The following SYTL2 variants were observed in gnomAD, a reference collection of about 807,000 sequenced individuals.
SYTL2 encodes synaptotagmin-like protein 2.
SYTL2 carries 165 observed loss-of-function variants against 198.7 expected under a neutral mutation model. The observed-to-expected ratio is 0.83, with a 90% CI of 0.73 to 0.94. SYTL2 has a LOEUF of 0.94. Among genes scored for constraint, SYTL2 ranks in the 40% least tolerant of loss-of-function variants. SYTL2 has a pLI of 0.00. For missense variants in SYTL2, 2,835 were observed against 2,582.8 expected, an observed-to-expected ratio of 1.10 and a Z score of -2.12; for synonymous variants, 966 against 917.7, an observed-to-expected ratio of 1.05 and a Z score of -0.95.
rs374343788 is a variant in SYTL2, at chr11:85,698,057, C to G, written c.6290G>C (p.Gly2097Ala). The change falls in exon 18 of 20, where the codon GGA (glycine) becomes GCA (alanine). Residue 2097 changes from glycine (G) to alanine (A), a missense_variant. This residue lies in a region of SYTL2 where 185 missense variants were observed against 182.1 expected (regional missense o/e 1.02). Transcript: ENST00000359152. ...TTCCTTCACCCAGATGTGCACTTCT[C>G]CAGTTGTAGGAAGCTTTTTACCTAC... ...PVPGKKLPTTGEVHIWVKECL... is the reference protein window; with the variant it reads ...PVPGKKLPTTAEVHIWVKECL... 1.9e-6 allele frequency: 3 copies of G among 1,613,490 alleles called. No homozygotes were observed. Among genetic ancestry groups the G allele is most frequent in the Non-Finnish European group, 1.7e-6 (2 of 1,179,644 alleles).
Position 85,734,683 on chromosome 11 carries a change from C to G in SYTL2, c.646G>C (p.Glu216Gln). 1 of 1,614,136 alleles carries G rather than the reference C, an allele frequency of 6.2e-7. No individual in the cohort carries two copies. Residue 216 changes from glutamate to glutamine, a missense_variant, in exon 7 of 20, where the codon GAG becomes CAG. Physicochemically the swap from Glu to Gln is conservative, Grantham distance 29. Coordinates refer to ENST00000359152, the MANE Select transcript of SYTL2 (RefSeq NM_206927.4). The part of the protein sequence containing the change: ...TVADTSIQKL[E>Q]KSKQTLPGLS... Reference sequence around the variant, plus strand: ...CCTGGCAAAGTCTGCTTTGATTTCTCTAACTTTTGGATTGAAGTATCTGCG... The same window carrying G: ...CCTGGCAAAGTCTGCTTTGATTTCTGTAACTTTTGGATTGAAGTATCTGCG...
intron 18 of SYTL2, 82 bp from the exon 19 acceptor site, chr11:85,696,470 T>A: frequency 8.7e-7 from 1 of 1,147,254 alleles, no homozygotes; most frequent in East Asian, 2.4e-5. Flanking sequence ...ACACAGCTAT[T>A]AAAGATTGAC....
chr11:85,770,253 C>G (rs1228638619), intron 1 of SYTL2, among the ~76,000 whole-genome samples: 1 of 152,136 alleles, frequency 6.6e-6, no homozygotes, highest in Non-Finnish European at 1.5e-5. Flanking sequence ...GGATGCTTTC[C>G]TCTCCTCATC....
At chr11:85,747,060 A>T (rs2091201543) in intron 3 of SYTL2, among the ~76,000 whole-genome samples, 2 of 152,232 alleles carry the variant, frequency 1.3e-5, no homozygotes, top group Non-Finnish European at 2.9e-5. Context: ...AGTACAGGGT[A>T]GACCTTGACA....
chr11:85,832,209 T>C, the SYTL2 span, among the ~76,000 whole-genome samples: 2 of 152,186 alleles, frequency 1.3e-5, no homozygotes, highest in South Asian at 4.1e-4. Context: ...CCAGGCTCCA[T>C]TATGTCAGTC....
In SYTL2 at chr11:85,725,143, C is replaced by T. The variant is rs2088951535; in HGVS notation, c.4215G>A (p.Gln1405=). The change falls in exon 8 of 20, where the codon CAG becomes CAA. Residue 1405 remains glutamine, a synonymous_variant. Coordinates refer to ENST00000359152, the MANE Select transcript of SYTL2 (RefSeq NM_206927.4). ...EVNPEFPEAV[Q]PVCSPLNPPG... ...GAGGATTTAGGGGGCTACATACTGGCTGTACTGCTTCAGGAAATTCTGGGT... is the reference window on the plus strand; with the variant it reads ...GAGGATTTAGGGGGCTACATACTGGTTGTACTGCTTCAGGAAATTCTGGGT... 1 of 1,614,006 alleles carries T rather than the reference C, an allele frequency of 6.2e-7. No homozygotes were observed. Among genetic ancestry groups the T allele is most frequent in the Admixed American group, 1.7e-5 (1 of 60,020 alleles).
At chr11:85,845,635 G>A in the SYTL2 span, among the ~76,000 whole-genome samples, 1 of 152,078 alleles carries the variant, frequency 6.6e-6, no homozygotes, top group African/African-American at 2.4e-5. Context: ...TAGGCCAGGC[G>A]TGGTGGCTCA....
At chr11:85,714,117 C>G (rs2086766467) in intron 12 of SYTL2, among the ~76,000 whole-genome samples, 11 of 152,228 alleles carry the variant, frequency 7.2e-5, no homozygotes, top group Admixed American at 7.2e-4. Flanking sequence ...GAGGAATAAT[C>G]AGTTCATATA....
At chr11:85,800,116 C>T (rs1668424064) in intron 1 of SYTL2, among the ~76,000 whole-genome samples, 1 of 152,102 alleles carries the variant, frequency 6.6e-6, no homozygotes, top group African/African-American at 2.4e-5. Flanking sequence ...CTAACCATTC[C>T]CACACACAGT....
the SYTL2 span, among the ~76,000 whole-genome samples, chr11:85,830,262 C>A: frequency 2.0e-5 from 3 of 152,092 alleles, no homozygotes; most frequent in African/African-American, 7.2e-5. Flanking sequence ...GGACTGGAGA[C>A]CATGCTTTGA....
chr11:85,728,571 C>A (rs1412436162), intron 7 of SYTL2, among the ~76,000 whole-genome samples: 3 of 152,146 alleles, frequency 2.0e-5, no homozygotes, highest in Non-Finnish European at 4.4e-5. Flanking sequence ...AGTCATGAGC[C>A]ACCACACCCA....
the SYTL2 span, among the ~76,000 whole-genome samples, chr11:85,828,133 A>G: frequency 4.6e-5 from 7 of 152,290 alleles, no homozygotes; most frequent in East Asian, 1.4e-3. Flanking sequence ...CTGATGGCAA[A>G]ATACAGCCAT....
At chr11:85,770,034 A>G (rs2092324402) in intron 1 of SYTL2, among the ~76,000 whole-genome samples, 1 of 152,208 alleles carries the variant, frequency 6.6e-6, no homozygotes, top group Non-Finnish European at 1.5e-5. Flanking sequence ...GATAAGGAAT[A>G]GATCTCCAGG....
At chr11:85,830,379 A>C in the SYTL2 span, among the ~76,000 whole-genome samples, 13 of 152,226 alleles carry the variant, frequency 8.5e-5, no homozygotes, top group Non-Finnish European at 1.5e-5. Context: ...TTCAGAGTTT[A>C]TAAACCCATT....
chr11:85,853,889 C>G, the SYTL2 span: 1 of 152,182 alleles, frequency 6.6e-6, no homozygotes. Context: ...GAGGCTCGCT[C>G]TGTCACCCGT....
At chr11:85,730,825 G>A (rs949613985) in intron 7 of SYTL2, among the ~76,000 whole-genome samples, 1 of 152,134 alleles carries the variant, frequency 6.6e-6, no homozygotes, top group African/African-American at 2.4e-5. Context: ...CAGATGACAT[G>A]ATTGTATATT....
chr11:85,736,896 G>T (rs761507198), intron 5 of SYTL2, among the ~76,000 whole-genome samples: 15 of 152,200 alleles, frequency 9.9e-5, no homozygotes, highest in Non-Finnish European at 1.9e-4. Context: ...AAAAAACTTG[G>T]CCCCGGATAT....
chr11:85,745,619 C>T lies in SYTL2; in HGVS notation c.389+18G>A, dbSNP rs373046736. On this transcript the variant is annotated intron_variant, in intron 4 of 19. Coordinates refer to ENST00000359152, the MANE Select transcript of SYTL2 (RefSeq NM_206927.4). The stretch of plus-strand genomic sequence containing the variant: ...TGAAAGCCACATGCAGCAGCTCTCC[C>T]CAGAAGCTTTGCCTTACCTCGGGCT... 78 of 1,608,846 alleles carry T rather than the reference C, an allele frequency of 4.8e-5. No homozygotes were observed. In the African/African-American group the frequency reaches 8.8e-4, roughly 18 times the overall value.
the SYTL2 span, among the ~76,000 whole-genome samples, chr11:85,816,435 A>G: frequency 2.0e-5 from 3 of 152,350 alleles, no homozygotes; most frequent in Non-Finnish European, 4.4e-5. Context: ...AATAGTCAAA[A>G]GCAAAGAGAC....
Sources: allele counts gnomAD v4.1 joint callset (sites outside exome capture counted in the v4.1 genomes callset), GRCh38; gene constraint gnomAD v4.1.1; regional missense constraint gnomAD v4.1.1; transcripts MANE v1.5; gene names NCBI Gene and HGNC (gene_info 2026-07-23, HGNC 2026-07-21).